ABCD2: variants seen among roughly 807,000 people sequenced by gnomAD.
The protein encoded by ABCD2 is ATP binding cassette subfamily D member 2, also known as ATP-binding cassette sub-family D member 2.
Under a neutral mutation model 70.9 loss-of-function variants are expected in ABCD2, and 36 were observed. The ratio of observed to expected loss-of-function variants is 0.51; its 90% CI spans 0.39 to 0.67. ABCD2 has a LOEUF of 0.67. Ranked by LOEUF, ABCD2 falls within the 30% of genes least tolerant of loss-of-function variation. ABCD2 has a pLI of 0.00. For synonymous variants in ABCD2, 304 were observed against 306.9 expected (o/e 0.99, Z 0.10); for missense variants, 729 against 890.2 (o/e 0.82, Z 2.30).
At chr12:39,594,940 C>T (rs1000944950) in intron 6 of ABCD2, among the ~76,000 whole-genome samples, 2 of 152,002 alleles carry the variant, frequency 1.3e-5, no homozygotes, top group Admixed American at 6.6e-5. Context: ...AAAACCCTGT[C>T]AATACAAATA....
chr12:39,565,556 T>A (rs4451772), intron 9 of ABCD2, among the ~76,000 whole-genome samples: 39,489 of 152,004 alleles, frequency 0.26, 5,344 homozygotes, highest in South Asian at 0.44. Flanking sequence ...TTCTAGGTAT[T>A]CAATCATTTC....
intron 7 of ABCD2, among the ~76,000 whole-genome samples, chr12:39,581,083 A>G (rs527619163): frequency 6.6e-6 from 1 of 152,308 alleles, no homozygotes; most frequent in South Asian, 2.1e-4. Context: ...CTTTAAAATT[A>G]CCACTACAAA....
chr12:39,596,312 A>G (rs1446946345), intron 6 of ABCD2, among the ~76,000 whole-genome samples: 1 of 152,120 alleles, frequency 6.6e-6, no homozygotes. Flanking sequence ...TTCTTGAGGC[A>G]CTTATTTCTG....
chr12:39,613,879 G>A (rs1040849291), intron 2 of ABCD2, among the ~76,000 whole-genome samples: 1 of 152,146 alleles, frequency 6.6e-6, no homozygotes, highest in Non-Finnish European at 1.5e-5. Context: ...AGTTTTAGGT[G>A]GATAGTACAG....
At chr12:39,560,633 T>C (rs1369274506) in intron 9 of ABCD2, among the ~76,000 whole-genome samples, 1 of 152,118 alleles carries the variant, frequency 6.6e-6, no homozygotes, top group African/African-American at 2.4e-5. Flanking sequence ...CTTTAACAAC[T>C]AAAATAATCT....
chr12:39,601,683 C>A (rs568834646), intron 5 of ABCD2, among the ~76,000 whole-genome samples: 1 of 152,080 alleles, frequency 6.6e-6, no homozygotes, highest in South Asian at 2.1e-4. Flanking sequence ...GTCTGTAGAT[C>A]TAGCTTTGTA....
intron 9 of ABCD2, among the ~76,000 whole-genome samples, chr12:39,567,743 T>C (rs1036602242): frequency 2.0e-5 from 3 of 152,256 alleles, no homozygotes; most frequent in African/African-American, 2.4e-5. Flanking sequence ...CAATTAGGCA[T>C]CCTTTTGCAG....
At chr12:39,568,646 C>G (rs1591973261) in intron 9 of ABCD2, among the ~76,000 whole-genome samples, 1 of 152,314 alleles carries the variant, frequency 6.6e-6, no homozygotes, top group African/African-American at 2.4e-5. Context: ...CATTTTCCAT[C>G]CAGCTTTGTT....
intron 9 of ABCD2, among the ~76,000 whole-genome samples, chr12:39,568,570 G>C (rs551938684): frequency 6.6e-6 from 1 of 151,956 alleles, no homozygotes; most frequent in Non-Finnish European, 1.5e-5. Flanking sequence ...CCATGGGTTC[G>C]AACTCCCTCC....
At position 39,582,255 on chromosome 12, in the gene ABCD2, T is replaced by C. The variant is rs75862003; in HGVS notation, c.1793-2636A>G. Among the ~76,000 whole-genome samples the C allele has an allele frequency of 2.6e-5, 4 of 152,260 alleles. No homozygotes were observed. In the East Asian group the frequency reaches 7.7e-4, roughly 29 times the overall value. On this transcript the variant is annotated intron_variant, in intron 7 of 9. Transcript: ENST00000308666. ...AGTGGCATACCCTCGCATAGAACAC[T>C]GACTTTCAAGTCAGAACTGTGCTTG...
chr12:39,619,474 C>A lies in ABCD2; in HGVS notation c.142G>T (p.Gly48Cys). 6.2e-7 allele frequency: 1 copy of A among 1,613,714 alleles called. No homozygotes were observed. The highest frequency in any genetic ancestry group is 8.5e-7 in the Non-Finnish European group (1 of 1,180,016). The change falls in exon 1 of 10, where the codon GGC becomes TGC. Residue 48 changes from glycine (G) to cysteine (C), a missense_variant. Coordinates refer to ENST00000308666, the MANE Select transcript of ABCD2 (RefSeq NM_005164.4). ...PIIGKRLKQS[G>C]HGKKKAAAYP... ...GCTGCTGCTTTTTTCTTCCCGTGGC[C>A]AGATTGCTTTAAACGCTTGCCAATG...
At chr12:39,584,105 G>A (rs1941633617) in intron 7 of ABCD2, among the ~76,000 whole-genome samples, 1 of 151,890 alleles carries the variant, frequency 6.6e-6, no homozygotes, top group South Asian at 2.1e-4. Flanking sequence ...TTGCCACACT[G>A]TGGTTGAACT....
intron 6 of ABCD2, among the ~76,000 whole-genome samples, chr12:39,588,194 T>A (rs1273646747): frequency 6.6e-6 from 1 of 152,178 alleles, no homozygotes; most frequent in Non-Finnish European, 1.5e-5. Context: ...TATCTACATC[T>A]GGAACAGTCT....
downstream of ABCD2, among the ~76,000 whole-genome samples, chr12:39,547,384 C>A (rs890010929): frequency 1.3e-5 from 2 of 152,076 alleles, no homozygotes; most frequent in Non-Finnish European, 2.9e-5. Context: ...CAACCATATT[C>A]ACACAGCACT....
At chr12:39,589,217 T>C (rs1941708912) in intron 6 of ABCD2, among the ~76,000 whole-genome samples, 1 of 152,142 alleles carries the variant, frequency 6.6e-6, no homozygotes, top group South Asian at 2.1e-4. Context: ...TATTTTCCCA[T>C]GGTACACAAG....
At chr12:39,565,628 C>T (rs1283582077) in intron 9 of ABCD2, among the ~76,000 whole-genome samples, 1 of 152,108 alleles carries the variant, frequency 6.6e-6, no homozygotes, top group African/African-American at 2.4e-5. Context: ...TATTTCCTTT[C>T]CTGCCTGATT....
chr12:39,603,653 T>C (rs2120724169), intron 5 of ABCD2, among the ~76,000 whole-genome samples: 1 of 152,104 alleles, frequency 6.6e-6, no homozygotes, highest in African/African-American at 2.4e-5. Flanking sequence ...CTCATGAAAT[T>C]TCCTATTGTT....
downstream of ABCD2, among the ~76,000 whole-genome samples, chr12:39,548,078 G>T (rs1028889027): frequency 6.6e-6 from 1 of 151,968 alleles, no homozygotes; most frequent in African/African-American, 2.4e-5. Context: ...ATCTTTTCCT[G>T]GGCTAGAGAT....
the ABCD2 span, among the ~76,000 whole-genome samples, chr12:39,538,171 C>CT: frequency 2.4e-3 from 337 of 139,702 alleles, 2 homozygotes; most frequent in African/African-American, 4.5e-3. Flanking sequence ...TTCTTTCTTT[C>CT]TTTTTTTTTT....
Sources: allele counts gnomAD v4.1 joint callset (sites outside exome capture counted in the v4.1 genomes callset), GRCh38; gene constraint gnomAD v4.1.1; transcripts MANE v1.5; gene names NCBI Gene and HGNC (gene_info 2026-07-23, HGNC 2026-07-21).